Variants in MATR3 observed in about 807,000 individuals in gnomAD.
MATR3 encodes matrin 3.
A neutral mutation model predicts 85.5 loss-of-function variants in MATR3; 4 were observed. The ratio of observed to expected loss-of-function variants is 0.05; its 90% CI spans 0.02 to 0.11. MATR3 has a LOEUF of 0.11. MATR3 is among the 10% of genes least tolerant of loss of function. The pLI is 1.00. For synonymous variants in MATR3, 336 were observed against 343.1 expected, an observed-to-expected ratio of 0.98 and a Z score of 0.23; for missense variants, 685 against 1,016.1, an observed-to-expected ratio of 0.67 and a Z score of 4.43.
Position 139,319,435 on chromosome 5 carries a change from T to C in MATR3, c.1536T>C (p.Ala512=), listed in dbSNP as rs1267504303. The part of the protein sequence containing the change: ...NLPHSGYSDS[A]VLKLAEPYGK... Reference sequence around the variant, plus strand: ...CGCATTCTGGCTATTCTGATAGTGCTGTTCTCAAGCTTGCTGAGCCTTATG... The same window carrying C: ...CGCATTCTGGCTATTCTGATAGTGCCGTTCTCAAGCTTGCTGAGCCTTATG... The change falls in exon 9 of 15, where the codon GCT becomes GCC. Residue 512 remains alanine (A), a synonymous_variant. Transcript: ENST00000394805. The C allele has an allele frequency of 2.5e-6, 4 of 1,614,114 alleles. No individual in the cohort carries two copies. The highest frequency in any genetic ancestry group is 2.5e-6 in the Non-Finnish European group (3 of 1,180,008).
intron 10 of MATR3, 35 bp downstream of exon 10, chr5:139,322,064 T>C: frequency 1.9e-6 from 3 of 1,608,634 alleles, no homozygotes; most frequent in African/African-American, 2.7e-5. Flanking sequence ...ATTTAACAGC[T>C]TGTTTTTACA....
chr5:139,293,587 A>T (rs945017090), upstream of MATR3: 13 of 178,638 alleles, frequency 7.3e-5, no homozygotes, highest in Admixed American at 1.9e-4. Flanking sequence ...CGAGTGCACG[A>T]GCGAGGTGCG....
intron 6 of MATR3, 123 bp downstream of exon 6, chr5:139,317,228 A>T (rs1755296323): frequency 9.9e-7 from 1 of 1,007,974 alleles, no homozygotes; most frequent in African/African-American, 1.6e-5. Flanking sequence ...ATTTGAAAAC[A>T]ATCACGTTTT....
chr5:139,275,684 T>C (rs1426122259), intron 1 of MATR3, among the ~76,000 whole-genome samples: 2 of 152,184 alleles, frequency 1.3e-5, no homozygotes, highest in Non-Finnish European at 2.9e-5. Flanking sequence ...CTCACGCCTG[T>C]AGTCCCAGCT....
At chr5:139,306,070 T>C (rs1342379924) in intron 1 of MATR3, among the ~76,000 whole-genome samples, 1 of 152,150 alleles carries the variant, frequency 6.6e-6, no homozygotes, top group Non-Finnish European at 1.5e-5. Context: ...CCTCATAGAA[T>C]TCTGTACCAA....
Position 139,307,355 on chromosome 5 carries a change from T to A in MATR3, c.-61T>A. On this transcript the variant is annotated 5_prime_UTR_variant, in exon 2 of 15. Transcript: ENST00000394805. The surrounding 1 kb of genome is among the most constrained non-coding windows in gnomAD (Gnocchi z 4.4). ...AGCTTTCTAGTTTGAGCTTTCTTTT[T>A]GGCCGTCTTTAAAAAAATTTTTTTT... 6.4e-7 allele frequency: 1 copy of A among 1,565,472 alleles called. No individual in the cohort carries two copies. Among genetic ancestry groups the A allele is most frequent in the Non-Finnish European group, 8.6e-7 (1 of 1,164,170 alleles).
intron 9 of MATR3, among the ~76,000 whole-genome samples, chr5:139,321,231 A>G (rs1755550360): frequency 6.6e-6 from 1 of 150,848 alleles, no homozygotes; most frequent in Non-Finnish European, 1.5e-5. Flanking sequence ...CTTGCTATAA[A>G]CTCCGCCTCC....
intron 1 of MATR3, among the ~76,000 whole-genome samples, chr5:139,299,035 GTACA>G (rs1380544011): frequency 1.3e-5 from 2 of 152,128 alleles, no homozygotes; most frequent in African/African-American, 4.8e-5. Flanking sequence ...CTTTTTAAGG[GTACA>G]TACATTAAGT....
intron 2 of MATR3, chr5:139,310,500 C>A (rs1045224362): frequency 2.0e-5 from 3 of 152,076 alleles, no homozygotes; most frequent in African/African-American, 7.2e-5. Context: ...CCTCTATAAC[C>A]GCTATAGAAA....
In MATR3 at chr5:139,277,761, CTTTT is replaced by C. The variant is rs35759733; in HGVS notation, c.-256-1274_-256-1271del. On this transcript the variant is annotated intron_variant, in intron 2 of 16. Coordinates refer to ENST00000509990, the Ensembl canonical transcript of MATR3. ...TGGGAAATATATCATGTCTGCTCGT[CTTTT>C]TTTTTTTTTTTTTTTAATTGACAGT... Among the ~76,000 whole-genome samples the C allele has an allele frequency of 8.6e-5, 11 of 128,034 alleles. No homozygotes were observed. The East Asian group carries it at 1.5e-3, about 17-fold the overall frequency. The allele number at this position is 128,034 out of a possible 152,430, so 84.0% of individuals were successfully genotyped here.
In MATR3 at chr5:139,322,515, A is replaced by C. The variant is rs1162367155; in HGVS notation, c.1778+9A>C. 6.4e-6 allele frequency: 10 copies of C among 1,573,890 alleles called. No homozygotes were observed. Among genetic ancestry groups the C allele is most frequent in the Non-Finnish European group, 8.7e-6 (10 of 1,146,882 alleles). On this transcript the variant is annotated intron_variant, in intron 11 of 14. Coordinates refer to ENST00000394805, the MANE Select transcript of MATR3 (RefSeq NM_018834.6). ...AAAAAAGATAAATCCCGGTAATTTC[A>C]TTTTGTTTTTCATATGTGTGAGTAT... is the stretch of plus-strand genomic sequence containing the variant.
chr5:139,296,544 A>T (rs1334517195), intron 1 of MATR3, among the ~76,000 whole-genome samples: 3 of 152,240 alleles, frequency 2.0e-5, no homozygotes, highest in African/African-American at 7.2e-5. Context: ...TGCTTAAAAT[A>T]TTAGAGTCCT....
intron 9 of MATR3, among the ~76,000 whole-genome samples, chr5:139,319,860 C>CTTTTT (rs58123057): frequency 5.4e-4 from 24 of 44,166 alleles, no homozygotes; most frequent in African/African-American, 1.6e-3. Context: ...AAAAAATTTG[C>CTTTTT]TTTTTTTTTT....
At chr5:139,308,924 T>A (rs964241209) in intron 2 of MATR3, among the ~76,000 whole-genome samples, 14 of 152,158 alleles carry the variant, frequency 9.2e-5, no homozygotes, top group Non-Finnish European at 1.9e-4. Context: ...TTTTTTCTCC[T>A]TTTCCACAAC....
intron 1 of MATR3, among the ~76,000 whole-genome samples, chr5:139,295,176 A>G (rs953534324): frequency 8.5e-5 from 13 of 152,322 alleles, no homozygotes; most frequent in African/African-American, 3.1e-4. Flanking sequence ...CTTTAAAAAC[A>G]TTTCTTTACT....
chr5:139,325,637 A>G lies in MATR3; in HGVS notation c.2346A>G (p.Gly782=), dbSNP rs1755817879. 6.2e-7 allele frequency: 1 copy of G among 1,614,110 alleles called. No homozygotes were observed. Residue 782 remains glycine (G), a synonymous_variant, in exon 13 of 15, where the codon GGA becomes GGG. Coordinates refer to ENST00000394805, the MANE Select transcript of MATR3 (RefSeq NM_018834.6). ...CAATCCCAGATGAGTATAGAATTGGACCATATCAGCCCAATGTTCCTGTTG... is the reference window on the plus strand; with the variant it reads ...CAATCCCAGATGAGTATAGAATTGGGCCATATCAGCCCAATGTTCCTGTTG... ...DYTIPDEYRI[G]PYQPNVPVGI... is the part of the protein sequence containing the mutation.
chr5:139,322,334 G>C, intron 10 of MATR3, 129 bp from the exon 11 acceptor site: 2 of 892,316 alleles, frequency 2.2e-6, no homozygotes, highest in Admixed American at 2.0e-5. Context: ...AGGCAGCTTA[G>C]GTTCTCAAAT....
In MATR3 at chr5:139,319,291, A is replaced by T. The variant is rs777605842; in HGVS notation, c.1435-43A>T. On this transcript the variant is annotated intron_variant, in intron 8 of 14. Coordinates refer to ENST00000394805, the MANE Select transcript of MATR3 (RefSeq NM_018834.6). Reference sequence around the variant, plus strand: ...AGGATGTTTTTAACTGTTAACTAATAATTATTGCACATTTGTCCTTTTGTT... The same window carrying T: ...AGGATGTTTTTAACTGTTAACTAATTATTATTGCACATTTGTCCTTTTGTT... 4 of 1,568,332 alleles carry T rather than the reference A, an allele frequency of 2.6e-6. No individual in the cohort carries two copies. The African/African-American group carries it at 5.4e-5, about 21-fold the overall frequency.
chr5:139,326,325 C>G, intron 14 of MATR3, 41 bp downstream of exon 14: 1 of 1,602,148 alleles, frequency 6.2e-7, no homozygotes, highest in Non-Finnish European at 8.5e-7. Context: ...GAAAACTTAA[C>G]AAGTTATGGA....
Sources: gnomAD v4.1 joint callset for allele counts (sites outside exome capture counted in the v4.1 genomes callset) on GRCh38, gnomAD v4.1.1 for gene constraint, Gnocchi (gnomAD v3.1) non-coding constraint, MANE v1.5 for transcripts, NCBI Gene and HGNC (gene_info 2026-07-23, HGNC 2026-07-21) for gene names.